Variants in COL22A1 observed in about 807,000 individuals in gnomAD.
COL22A1 encodes the protein collagen alpha-1(XXII) chain.
Under a neutral mutation model 248.9 loss-of-function variants are expected in COL22A1, and 221 were observed. The observed-to-expected ratio is 0.89, with a 90% CI of 0.80 to 0.99. The LOEUF is 0.99. COL22A1 is among the 50% of genes least tolerant of loss of function. The pLI, the probability that COL22A1 is intolerant of heterozygous loss-of-function variation, is 0.00. For synonymous variants in COL22A1, 891 were observed against 793.4 expected (o/e 1.12, Z -2.07); for missense variants, 2,240 against 2,179.0 (o/e 1.03, Z -0.56).
intron 47 of COL22A1, among the ~76,000 whole-genome samples, chr8:138,638,553 C>A (rs1036726121): frequency 6.6e-6 from 1 of 152,090 alleles, no homozygotes; most frequent in Admixed American, 6.6e-5. Context: ...TCTAATAATC[C>A]CCCCTCTCTC....
intron 3 of COL22A1, among the ~76,000 whole-genome samples, chr8:138,844,845 GAGGCTGAGGC>G (rs1821125234): frequency 6.6e-6 from 1 of 151,792 alleles, no homozygotes; most frequent in South Asian, 2.1e-4. Context: ...AGCTACTCGG[GAGGCTGAGGC>G]AGGAGAATGG....
At chr8:138,773,941 A>G (rs115595854) in intron 16 of COL22A1, among the ~76,000 whole-genome samples, 2,123 of 152,250 alleles carry the variant, frequency 0.014, 51 homozygotes, top group African/African-American at 0.047. Context: ...TCTCCGCTAC[A>G]CGGGGATTGA....
At chr8:138,879,166 T>C (rs1236192694) in intron 2 of COL22A1, among the ~76,000 whole-genome samples, 1 of 152,202 alleles carries the variant, frequency 6.6e-6, no homozygotes, top group African/African-American at 2.4e-5. Flanking sequence ...GACACACTGA[T>C]ACATACGCTG....
At chr8:138,635,954 G>T (rs891511390) in intron 48 of COL22A1, among the ~76,000 whole-genome samples, 16 of 152,200 alleles carry the variant, frequency 1.1e-4, no homozygotes, top group African/African-American at 3.9e-4. Context: ...TCAGGAGTTT[G>T]TCTGCGAGTC....
intron 16 of COL22A1, among the ~76,000 whole-genome samples, chr8:138,770,282 G>A (rs575777135): frequency 6.6e-6 from 1 of 152,202 alleles, no homozygotes; most frequent in Non-Finnish European, 1.5e-5. Flanking sequence ...AACGCCCAGT[G>A]CTTGGCCCTT....
At chr8:138,589,632 T>C (rs886181463) in intron 64 of COL22A1, among the ~76,000 whole-genome samples, 192 bp from the exon 65 acceptor site, 12 of 152,140 alleles carry the variant, frequency 7.9e-5, no homozygotes, top group African/African-American at 2.2e-4. Context: ...AGCACCTCAA[T>C]ATGTAGAAGA....
intron 12 of COL22A1, among the ~76,000 whole-genome samples, chr8:138,784,148 C>T (rs11781634): frequency 0.4 from 61,141 of 152,110 alleles, 15,970 homozygotes; most frequent in African/African-American, 0.75. Flanking sequence ...AAAGAGGAAA[C>T]ACTGAGACAG....
chr8:138,704,121 G>A (rs1190233068), intron 30 of COL22A1, among the ~76,000 whole-genome samples: 2 of 152,208 alleles, frequency 1.3e-5, no homozygotes, highest in Admixed American at 1.3e-4. Flanking sequence ...AAACAAAGCA[G>A]CCGGGAGGCT....
chr8:138,874,829 C>T (rs1823590964), intron 3 of COL22A1, among the ~76,000 whole-genome samples: 1 of 152,142 alleles, frequency 6.6e-6, no homozygotes. Context: ...TCCTCTTTGC[C>T]TGTGTGTTGT....
intron 60 of COL22A1, among the ~76,000 whole-genome samples, chr8:138,599,964 A>T (rs1450823405): frequency 4.6e-5 from 7 of 152,130 alleles, no homozygotes; most frequent in Admixed American, 4.6e-4. Context: ...TGCTCTCTAG[A>T]GAGACAGTGG....
chr8:138,887,870 C>G (rs1385156633), intron 1 of COL22A1, among the ~76,000 whole-genome samples: 1 of 152,144 alleles, frequency 6.6e-6, no homozygotes, highest in Admixed American at 6.5e-5. Context: ...TGTGCGGGTG[C>G]TCCTGTCACC....
intron 47 of COL22A1, among the ~76,000 whole-genome samples, chr8:138,643,413 C>T (rs1264407698): frequency 6.6e-6 from 1 of 152,128 alleles, no homozygotes; most frequent in Non-Finnish European, 1.5e-5. Context: ...GGGTGTTTTC[C>T]ATCTTGATAT....
rs779924458 is a variant in COL22A1, at chr8:138,779,557, C to A, written c.1656G>T (p.Glu552Asp). The A allele has an allele frequency of 6.2e-7, 1 of 1,612,746 alleles. No individual in the cohort carries two copies. ...GCCCCGGCTCTCCCAGCTCTCCTGG[C>A]TCCCCCTGAACAAACAAAACAACAC... ...GRDGSKGMRG[E>D]PGELGEPGLP... The change falls in exon 14 of 65, where the codon GAG becomes GAT. Residue 552 changes from glutamate (E) to aspartate (D), a missense_variant. Coordinates refer to ENST00000303045, the MANE Select transcript of COL22A1 (RefSeq NM_152888.3).
intron 42 of COL22A1, 52 bp downstream of exon 42, chr8:138,663,653 G>A (rs377434286): frequency 1.2e-5 from 16 of 1,376,634 alleles, no homozygotes; most frequent in African/African-American, 1.4e-5. Context: ...GCTTTGATTC[G>A]AGCAGGATTC....
chr8:138,683,042 A>G (rs1234939288), intron 39 of COL22A1, among the ~76,000 whole-genome samples: 1 of 152,178 alleles, frequency 6.6e-6, no homozygotes, highest in Non-Finnish European at 1.5e-5. Context: ...CTTCTTCAAG[A>G]AGCCATGGTA....
chr8:138,722,219 T>C (rs12678237), intron 25 of COL22A1, 130 bp from the exon 26 acceptor site: 688,987 of 696,344 alleles, frequency 0.99, 341,164 homozygotes, highest in East Asian at 1. Flanking sequence ...GCTCTTTGAT[T>C]AGCAGGGCCC....
intron 30 of COL22A1, among the ~76,000 whole-genome samples, chr8:138,705,220 C>T (rs1292662318): frequency 6.6e-6 from 1 of 152,160 alleles, no homozygotes; most frequent in East Asian, 1.9e-4. Flanking sequence ...AGGATATTAT[C>T]CAGGAGAACT....
At chr8:138,711,243 T>C (rs1176601035) in intron 30 of COL22A1, among the ~76,000 whole-genome samples, 2 of 152,222 alleles carry the variant, frequency 1.3e-5, no homozygotes, top group African/African-American at 4.8e-5. Flanking sequence ...CCTTCCCTGA[T>C]GCTGTGGGCC....
At chr8:138,637,094 T>C (rs1443866209) in intron 47 of COL22A1, among the ~76,000 whole-genome samples, 1 of 152,036 alleles carries the variant, frequency 6.6e-6, no homozygotes, top group Non-Finnish European at 1.5e-5. Flanking sequence ...ACATCTGATG[T>C]TAGATTTAGT....
Sources: allele counts gnomAD v4.1 joint callset (sites outside exome capture counted in the v4.1 genomes callset), GRCh38; gene constraint gnomAD v4.1.1; transcripts MANE v1.5; gene names NCBI Gene and HGNC (gene_info 2026-07-23, HGNC 2026-07-21).